PRKG1: variants seen among roughly 807,000 people sequenced by gnomAD.
PRKG1 encodes cGMP-dependent protein kinase 1.
Under a neutral mutation model 88.1 loss-of-function variants are expected in PRKG1, and 35 were observed. The ratio of observed to expected loss-of-function variants is 0.40; its 90% CI spans 0.30 to 0.53. The LOEUF (loss-of-function observed/expected upper bound fraction) is 0.53, where lower values mean the gene tolerates loss of function less well. Ranked by LOEUF, PRKG1 falls within the 20% of genes least tolerant of loss-of-function variation. The pLI is 0.59. For synonymous variants in PRKG1, 303 were observed against 292.5 expected (o/e 1.04, Z -0.37); for missense variants, 540 against 839.8 (o/e 0.64, Z 4.41).
intron 5 of PRKG1, among the ~76,000 whole-genome samples, chr10:52,045,711 GA>G (rs112340543): frequency 1.3e-5 from 2 of 149,912 alleles, no homozygotes; most frequent in East Asian, 2.0e-4. Flanking sequence ...ATGATTAAAA[GA>G]AAAAAAAACA....
chr10:52,054,516 G>A lies in PRKG1; in HGVS notation c.795G>A (p.Arg265=). ...ATGAAAATGGAGAATATATTATCAG[G>A]CAAGGTGCAAGAGGGGACACCTTCT... is the stretch of plus-strand genomic sequence containing the variant. The part of the protein sequence containing the change: ...THYENGEYII[R]QGARGDTFFI... The change falls in exon 6 of 18, where the codon AGG becomes AGA. Residue 265 remains arginine (R), a synonymous_variant. Transcript: ENST00000373980. 1 of 1,613,772 alleles carries A rather than the reference G, an allele frequency of 6.2e-7. No homozygotes were observed. Among genetic ancestry groups the A allele is most frequent in the South Asian group, 1.1e-5 (1 of 91,072 alleles).
intron 9 of PRKG1, among the ~76,000 whole-genome samples, chr10:52,175,425 G>A (rs1838835426): frequency 6.6e-6 from 1 of 151,924 alleles, no homozygotes. Flanking sequence ...TCCATATCTT[G>A]GCTATTGTGA....
chr10:51,031,140 A>G (rs1388253088), intron 1 of PRKG1, among the ~76,000 whole-genome samples: 1 of 152,158 alleles, frequency 6.6e-6, no homozygotes, highest in Non-Finnish European at 1.5e-5. Context: ...TTCATTGATG[A>G]ATCTTCTAAA....
chr10:51,378,713 G>A (rs1185504366), intron 2 of PRKG1, among the ~76,000 whole-genome samples: 1 of 152,060 alleles, frequency 6.6e-6, no homozygotes, highest in Non-Finnish European at 1.5e-5. Flanking sequence ...CTGCTGCTAT[G>A]ACCTGTGTGA....
chr10:52,141,899 T>C (rs1837591359), intron 8 of PRKG1, among the ~76,000 whole-genome samples: 1 of 152,158 alleles, frequency 6.6e-6, no homozygotes, highest in Non-Finnish European at 1.5e-5. Context: ...GGCCAAACAG[T>C]CTGTGGCATG....
At chr10:51,947,725 G>T (rs1391123078) in intron 5 of PRKG1, among the ~76,000 whole-genome samples, 1 of 152,162 alleles carries the variant, frequency 6.6e-6, no homozygotes, top group Non-Finnish European at 1.5e-5. Flanking sequence ...AAGAAGAAGG[G>T]CTGCAGAGCT....
chr10:51,949,937 G>T (rs529558048), intron 5 of PRKG1, among the ~76,000 whole-genome samples: 15 of 152,230 alleles, frequency 9.9e-5, no homozygotes, highest in East Asian at 9.7e-4. Context: ...TCCAAGGAGC[G>T]CTTGGGTGAA....
chr10:52,266,945 G>A (rs1471028817), intron 10 of PRKG1, among the ~76,000 whole-genome samples: 2 of 151,976 alleles, frequency 1.3e-5, no homozygotes, highest in African/African-American at 2.4e-5. Flanking sequence ...TTGGCAAGAG[G>A]CAGAAGAAAA....
chr10:51,959,548 A>G (rs982895044), intron 5 of PRKG1, among the ~76,000 whole-genome samples: 1 of 152,086 alleles, frequency 6.6e-6, no homozygotes, highest in African/African-American at 2.4e-5. Context: ...GTTGGTCACA[A>G]TTTTTCTCCT....
At chr10:51,170,019 T>C (rs545817842) in intron 2 of PRKG1, among the ~76,000 whole-genome samples, 1 of 152,172 alleles carries the variant, frequency 6.6e-6, no homozygotes, top group African/African-American at 2.4e-5. Context: ...AGAGTTGATG[T>C]AGAAGTTGGC....
intron 5 of PRKG1, among the ~76,000 whole-genome samples, chr10:51,937,221 T>C (rs906005969): frequency 2.0e-5 from 3 of 152,148 alleles, no homozygotes; most frequent in Middle Eastern, 3.4e-3. Flanking sequence ...GTTCTTCACA[T>C]GCAAGCAGGG....
chr10:52,240,524 C>T (rs1280731275), intron 9 of PRKG1, among the ~76,000 whole-genome samples: 2 of 152,112 alleles, frequency 1.3e-5, no homozygotes, highest in Non-Finnish European at 2.9e-5. Context: ...TAGATTGCTT[C>T]ATCATTCAAG....
chr10:51,088,397 T>TG (rs1208915111), intron 1 of PRKG1, among the ~76,000 whole-genome samples: 2 of 151,764 alleles, frequency 1.3e-5, no homozygotes, highest in Non-Finnish European at 2.9e-5. Context: ...TTTCAGTTTT[T>TG]TTTTTTTTTT....
Position 51,698,896 on chromosome 10 carries a change from G to A in PRKG1, c.593-105689G>A, listed in dbSNP as rs372468137. On this transcript the variant is annotated intron_variant, in intron 3 of 17. Transcript: ENST00000373980. The stretch of plus-strand genomic sequence containing the variant: ...CATTAGGTCCTGGGCAGAGCCCAGG[G>A]CCAGGGCCAGGGCCAGGGCCAGAGA... 18 of 1,611,582 alleles carry A rather than the reference G, an allele frequency of 1.1e-5. No homozygotes were observed. The African/African-American group carries it at 2.0e-4, about 18-fold the overall frequency.
intron 8 of PRKG1, among the ~76,000 whole-genome samples, chr10:52,143,464 T>G (rs1311074417): frequency 1.3e-5 from 2 of 152,164 alleles, no homozygotes; most frequent in Non-Finnish European, 2.9e-5. Flanking sequence ...AAATGTCTCC[T>G]GTGGGGTGAA....
At chr10:51,766,282 C>T (rs1838160737) in intron 3 of PRKG1, among the ~76,000 whole-genome samples, 1 of 152,180 alleles carries the variant, frequency 6.6e-6, no homozygotes, top group Non-Finnish European at 1.5e-5. Flanking sequence ...ATAAGGCACA[C>T]ATTTCTGGTA....
intron 3 of PRKG1, among the ~76,000 whole-genome samples, chr10:51,737,756 ATT>A (rs1837326098): frequency 1.8e-5 from 2 of 108,900 alleles, no homozygotes; most frequent in Non-Finnish European, 4.1e-5. Flanking sequence ...TATTATTATT[ATT>A]ATTATTATTA....
chr10:51,093,421 G>T (rs1271246714), intron 1 of PRKG1, among the ~76,000 whole-genome samples: 2 of 152,018 alleles, frequency 1.3e-5, no homozygotes, highest in East Asian at 3.9e-4. Flanking sequence ...TTTTAGTTAG[G>T]AGCTGTCTCT....
chr10:51,540,117 A>C (rs1422124157), intron 3 of PRKG1, among the ~76,000 whole-genome samples: 1 of 152,214 alleles, frequency 6.6e-6, no homozygotes, highest in Non-Finnish European at 1.5e-5. Context: ...CATTTGTTAA[A>C]AATGTCAGGC....
Sources: gnomAD v4.1 joint callset for allele counts (sites outside exome capture counted in the v4.1 genomes callset) on GRCh38, gnomAD v4.1.1 for gene constraint, MANE v1.5 for transcripts, NCBI Gene and HGNC (gene_info 2026-07-23, HGNC 2026-07-21) for gene names.